The following UGT8 variants were observed in gnomAD, a reference collection of about 807,000 sequenced individuals.
UGT8 encodes the protein UDP glycosyltransferase 8.
Under a neutral mutation model 40.5 loss-of-function variants are expected in UGT8, and 12 were observed. The observed-to-expected ratio is 0.30, with a 90% confidence interval of 0.19 to 0.48. UGT8 has a LOEUF of 0.48. Among genes scored for constraint, UGT8 ranks in the 20% least tolerant of loss-of-function variants. UGT8 has a pLI of 0.99. For missense variants in UGT8, 513 were observed against 648.7 expected (o/e 0.79, Z 2.27); for synonymous variants, 224 against 240.4 (o/e 0.93, Z 0.63).
chr4:114,635,222 G>A (rs978831925), intron 2 of UGT8, among the ~76,000 whole-genome samples: 3 of 151,894 alleles, frequency 2.0e-5, no homozygotes, highest in Non-Finnish European at 2.9e-5. Flanking sequence ...ATGGTGGCAC[G>A]CACTTGTAAT....
At chr4:114,606,576 G>A (rs182741327) in intron 1 of UGT8, among the ~76,000 whole-genome samples, 1 of 152,316 alleles carries the variant, frequency 6.6e-6, no homozygotes, top group Admixed American at 6.5e-5. Context: ...ACGGTGAAAT[G>A]TATGGATAAA....
At chr4:114,647,278 A>G (rs773230061) in intron 2 of UGT8, among the ~76,000 whole-genome samples, 3 of 152,156 alleles carry the variant, frequency 2.0e-5, no homozygotes, top group Non-Finnish European at 4.4e-5. Context: ...AATGACAGTT[A>G]AATAATAACA....
At chr4:114,642,032 G>C (rs996260343) in intron 2 of UGT8, among the ~76,000 whole-genome samples, 2 of 152,064 alleles carry the variant, frequency 1.3e-5, no homozygotes, top group Non-Finnish European at 2.9e-5. Flanking sequence ...AAGAGGAAAG[G>C]GGGCTTATTA....
intron 2 of UGT8, among the ~76,000 whole-genome samples, chr4:114,652,962 C>T (rs181673357): frequency 3.3e-5 from 5 of 152,134 alleles, no homozygotes; most frequent in Admixed American, 1.3e-4. Context: ...TGTATCATGG[C>T]TCTACATGTT....
At chr4:114,641,999 G>T (rs1245262248) in intron 2 of UGT8, among the ~76,000 whole-genome samples, 1 of 152,016 alleles carries the variant, frequency 6.6e-6, no homozygotes, top group Non-Finnish European at 1.5e-5. Context: ...TACATTAAAG[G>T]GATATAAATA....
At chr4:114,658,731 TA>T (rs1317212793) in intron 2 of UGT8, among the ~76,000 whole-genome samples, 2 of 152,096 alleles carry the variant, frequency 1.3e-5, no homozygotes, top group East Asian at 1.9e-4. Flanking sequence ...TATTTTCGGA[TA>T]GGGGGATGAG....
In UGT8 at chr4:114,622,120, A is replaced by G. The variant is rs1373507115; in HGVS notation, c.-2-759A>G. ...CCCTCCCCCCTCCCCCCACCCCACA[A>G]CAGTCCCCAGAGTGTGATGTTCCCC... On this transcript the variant is annotated intron_variant, in intron 1 of 5. Coordinates refer to ENST00000310836, the MANE Select transcript of UGT8 (RefSeq NM_001128174.3). Among the ~76,000 whole-genome samples the G allele has an allele frequency of 2.8e-5, 3 of 105,476 alleles. No homozygotes were observed. In the East Asian group the frequency reaches 9.9e-4, roughly 35 times the overall value. 69.2% of individuals were successfully genotyped at this position (105,476 alleles called of 152,430 possible).
intron 2 of UGT8, among the ~76,000 whole-genome samples, chr4:114,654,116 A>G (rs1282195577): frequency 6.6e-6 from 1 of 152,080 alleles, no homozygotes; most frequent in East Asian, 1.9e-4. Context: ...TCTTTGCTGG[A>G]GTATTAATGA....
At chr4:114,617,646 G>C (rs1457482901) in intron 1 of UGT8, among the ~76,000 whole-genome samples, 4 of 152,298 alleles carry the variant, frequency 2.6e-5, no homozygotes, top group Middle Eastern at 3.4e-3. Flanking sequence ...TTTAGAGAAA[G>C]AGAGAATCAC....
At chr4:114,660,396 G>T (rs1283618769) in intron 2 of UGT8, among the ~76,000 whole-genome samples, 1 of 152,128 alleles carries the variant, frequency 6.6e-6, no homozygotes, top group African/African-American at 2.4e-5. Flanking sequence ...GATTATTCAT[G>T]TGAAACAAAG....
At chr4:114,672,996 C>T (rs551341999) in intron 5 of UGT8, among the ~76,000 whole-genome samples, 1 of 152,168 alleles carries the variant, frequency 6.6e-6, no homozygotes, top group South Asian at 2.1e-4. Context: ...GATGGAGAAT[C>T]GATCATTATT....
intron 2 of UGT8, among the ~76,000 whole-genome samples, chr4:114,645,435 GTC>G (rs1365866803): frequency 6.6e-6 from 1 of 152,090 alleles, no homozygotes; most frequent in African/African-American, 2.4e-5. Context: ...TCAAGCTCAG[GTC>G]TTTTTGAATG....
At chr4:114,614,166 C>T (rs1489046291) in intron 1 of UGT8, among the ~76,000 whole-genome samples, 1 of 152,146 alleles carries the variant, frequency 6.6e-6, no homozygotes, top group Non-Finnish European at 1.5e-5. Context: ...AAAGAGATAA[C>T]TGCAGATACT....
At chr4:114,614,726 A>G (rs1226535372) in intron 1 of UGT8, among the ~76,000 whole-genome samples, 4 of 152,138 alleles carry the variant, frequency 2.6e-5, no homozygotes, top group Non-Finnish European at 4.4e-5. Context: ...TTAATTTAGT[A>G]ATGTGGAGGA....
intron 5 of UGT8, among the ~76,000 whole-genome samples, chr4:114,672,467 C>T (rs920396916): frequency 6.6e-6 from 1 of 152,102 alleles, no homozygotes; most frequent in Non-Finnish European, 1.5e-5. Context: ...GTATATATAC[C>T]ATGGAATAGT....
At chr4:114,618,273 C>G (rs2126094301) in intron 1 of UGT8, among the ~76,000 whole-genome samples, 1 of 152,282 alleles carries the variant, frequency 6.6e-6, no homozygotes, top group African/African-American at 2.4e-5. Flanking sequence ...ATTGGTATCT[C>G]TGTAGTGTTA....
intron 1 of UGT8, among the ~76,000 whole-genome samples, chr4:114,621,394 G>T (rs1560674526): frequency 6.6e-6 from 1 of 152,104 alleles, no homozygotes; most frequent in Non-Finnish European, 1.5e-5. Flanking sequence ...AATATAGATT[G>T]CTAGGACAAC....
intron 2 of UGT8, among the ~76,000 whole-genome samples, chr4:114,651,795 A>C (rs1233196048): frequency 1.3e-5 from 2 of 152,150 alleles, no homozygotes; most frequent in Admixed American, 1.3e-4. Flanking sequence ...TAACAATAAC[A>C]TTTTGGGAAA....
chr4:114,635,644 G>A lies in UGT8; in HGVS notation c.822+11942G>A, dbSNP rs1340810738. Among the ~76,000 whole-genome samples, 6 of 152,108 alleles carry A rather than the reference G, an allele frequency of 3.9e-5. No homozygotes were observed. The East Asian group carries it at 1.2e-3, about 29-fold the overall frequency. On this transcript the variant is annotated intron_variant, in intron 2 of 5. Transcript: ENST00000310836. ...TTGAAATTATAGAAAAATGCTTCAA[G>A]CTTTTGCAAATTTATTTTGGTAAAG...
Sources: gnomAD v4.1 joint callset for allele counts (sites outside exome capture counted in the v4.1 genomes callset) on GRCh38, gnomAD v4.1.1 for gene constraint, MANE v1.5 for transcripts, NCBI Gene and HGNC (gene_info 2026-07-23, HGNC 2026-07-21) for gene names.